Variants in AP2A2 observed in about 807,000 individuals in gnomAD.
The protein encoded by AP2A2 is adaptor related protein complex 2 subunit alpha 2, also known as AP-2 complex subunit alpha-2.
Under a neutral mutation model 104.2 loss-of-function variants are expected in AP2A2, and 32 were observed. That is an observed-to-expected ratio of 0.31 (90% CI 0.23 to 0.41). The LOEUF is 0.41. AP2A2 is among the 10% of genes least tolerant of loss of function. The pLI, the probability that AP2A2 is intolerant of heterozygous loss-of-function variation, is 1.00. For synonymous variants in AP2A2, 539 were observed against 533.3 expected (o/e 1.01, Z -0.15); for missense variants, 912 against 1,261.0 (o/e 0.72, Z 4.19).
chr11:952,415 C>T (rs542034994), intron 1 of AP2A2, among the ~76,000 whole-genome samples: 2 of 152,298 alleles, frequency 1.3e-5, no homozygotes, highest in East Asian at 1.9e-4. Context: ...TGTAAAAATT[C>T]AAGAGCTTTT....
chr11:946,913 A>G (rs1282319529), intron 1 of AP2A2: 2 of 152,178 alleles, frequency 1.3e-5, no homozygotes, highest in African/African-American at 2.4e-5. Context: ...TACGTGAAGA[A>G]ATAAAAGAAC....
In AP2A2 at chr11:961,462, G is replaced by A. The variant is rs35305097; in HGVS notation, c.136+1957G>A. Among the ~76,000 whole-genome samples the A allele has an allele frequency of 4.2e-5, 6 of 142,946 alleles. No individual in the cohort carries two copies. In the East Asian group the frequency reaches 6.6e-4, roughly 16 times the overall value. The allele number at this position is 142,946 out of a possible 152,430, so 93.8% of individuals were successfully genotyped here. ...ATGGAGATGTGGGTCTGACAGAGTC[G>A]CCACCACCAGTGAAAAGTAAATGGC... is the stretch of plus-strand genomic sequence containing the variant. On this transcript the variant is annotated intron_variant, in intron 2 of 21. Transcript: ENST00000448903.
rs372353121 is a variant in AP2A2 at position 992,535 on chromosome 11, C to T, written c.1302C>T (p.Tyr434=). Residue 434 remains tyrosine, a synonymous_variant, in exon 11 of 22, where the codon TAC becomes TAT. Transcript: ENST00000448903. The surrounding 1 kb of genome is among the most constrained non-coding windows in gnomAD (Gnocchi z 6.4). ...VLKVAILAEK[Y]AVDYTWYVDT... ...AGGTCGCCATCCTGGCTGAGAAGTACGCGGTGGACTACACCTGGTATGTGG... is the reference window on the plus strand; with the variant it reads ...AGGTCGCCATCCTGGCTGAGAAGTATGCGGTGGACTACACCTGGTATGTGG... 4.6e-5 allele frequency: 74 copies of T among 1,607,824 alleles called. No homozygotes were observed. Among genetic ancestry groups the T allele is most frequent in the Non-Finnish European group, 5.2e-5 (61 of 1,177,250 alleles).
chr11:996,546 C>T lies in AP2A2; in HGVS notation c.1956+2301C>T, dbSNP rs1215942251. 5.9e-5 allele frequency among the ~76,000 whole-genome samples: 9 copies of T among 152,170 alleles called. 1 individual carries two copies. In the South Asian group the frequency reaches 8.3e-4, roughly 14 times the overall value. ...GCCTTTGATCACACCCAGGTTTGTC[C>T]GGCTAGGCTCAGGGTGGACTTTGGA... On this transcript the variant is annotated intron_variant, in intron 14 of 21. Coordinates refer to ENST00000448903, the MANE Select transcript of AP2A2 (RefSeq NM_012305.4).
At chr11:987,055 A>T (rs974573591) in intron 9 of AP2A2, 102 bp downstream of exon 9, 16 of 1,352,950 alleles carry the variant, frequency 1.2e-5, no homozygotes, top group African/African-American at 4.3e-5. Context: ...CCCCGCAGAG[A>T]TGGAGGTGGT....
intron 20 of AP2A2, 122 bp from the exon 21 acceptor site, chr11:1,009,561 A>AGG (rs1856340871): frequency 1.6e-6 from 2 of 1,236,184 alleles, no homozygotes; most frequent in Admixed American, 5.5e-5. Flanking sequence ...CAGGGTCTGG[A>AGG]GGGGCGGCCC....
At chr11:986,306 T>C (rs894849092) in intron 8 of AP2A2, among the ~76,000 whole-genome samples, 11 of 152,260 alleles carry the variant, frequency 7.2e-5, no homozygotes, top group Admixed American at 2.6e-4. Context: ...CTGAGAGTTA[T>C]TAAAACTGAA....
chr11:1,004,793 A>G (rs1214013090), intron 16 of AP2A2, among the ~76,000 whole-genome samples: 1 of 152,198 alleles, frequency 6.6e-6, no homozygotes, highest in African/African-American at 2.4e-5. Context: ...TTCATTCATA[A>G]ATAATGCATA....
chr11:993,211 C>T lies in AP2A2; in HGVS notation c.1453-73C>T, dbSNP rs147407650. On this transcript the variant is annotated intron_variant, in intron 11 of 21. Coordinates refer to ENST00000448903, the MANE Select transcript of AP2A2 (RefSeq NM_012305.4). The surrounding 1 kb of genome is among the most constrained non-coding windows in gnomAD (Gnocchi z 8.2). ...GCTGGTGCTGGTGTAGGGTGCACCG[C>T]GCCAGGACGTGCCCGCCTCGCCTTA... 136 of 1,249,814 alleles carry T rather than the reference C, an allele frequency of 1.1e-4. No homozygotes were observed. The highest frequency in any genetic ancestry group is 2.4e-4 in the Middle Eastern group (1 of 4,110). 77.4% of individuals were successfully genotyped at this position (1,249,814 alleles called of 1,614,324 possible). A position where few individuals can be genotyped will look rare whatever the true frequency, so the allele number is the denominator to read the frequency against.
rs375422112 is a variant in AP2A2, at chr11:972,253, C to T, written c.471C>T (p.Ala157=). Residue 157 remains alanine (A), a splice_region_variant and synonymous_variant, in exon 4 of 22, where the codon GCC becomes GCT. Transcript: ENST00000448903. ...GGGAGATCCCTAAGGTCCTCGTAGCCGGGTATGTGCCGGGCTCGTGCCGGG... is the reference window on the plus strand; with the variant it reads ...GGGAGATCCCTAAGGTCCTCGTAGCTGGGTATGTGCCGGGCTCGTGCCGGG... ...FAGEIPKVLV[A]GDTMDSVKQS... 2.2e-4 allele frequency: 344 copies of T among 1,591,284 alleles called. No homozygotes were observed. Among genetic ancestry groups the T allele is most frequent in the Non-Finnish European group, 2.6e-4 (307 of 1,173,226 alleles).
At chr11:963,867 C>T (rs577563051) in intron 2 of AP2A2, among the ~76,000 whole-genome samples, 2 of 152,236 alleles carry the variant, frequency 1.3e-5, no homozygotes, top group African/African-American at 2.4e-5. Context: ...CTCAAGAGAT[C>T]GGTCTGCCTT....
chr11:973,420 G>C (rs1854901811), intron 4 of AP2A2, among the ~76,000 whole-genome samples: 1 of 152,196 alleles, frequency 6.6e-6, no homozygotes, highest in Non-Finnish European at 1.5e-5. Context: ...TGTCAGCTGT[G>C]AGGCAAGGAG....
At chr11:983,575 G>A (rs541420643) in intron 6 of AP2A2, among the ~76,000 whole-genome samples, 9 of 151,778 alleles carry the variant, frequency 5.9e-5, no homozygotes, top group South Asian at 2.1e-4. Context: ...AGTAGAGATG[G>A]GGTTTCACTG....
chr11:986,999 C>T (rs769366099), intron 9 of AP2A2, 46 bp downstream of exon 9: 18 of 1,536,146 alleles, frequency 1.2e-5, no homozygotes, highest in Admixed American at 5.9e-5. Context: ...GAGCAGGTGC[C>T]GTGGGTCTTC....
chr11:1,000,340 G>A, intron 14 of AP2A2, 92 bp from the exon 15 acceptor site: 2 of 1,298,462 alleles, frequency 1.5e-6, no homozygotes, highest in Non-Finnish European at 2.1e-6. Flanking sequence ...TGCCAAGGGG[G>A]TGCCATGGGG....
intron 2 of AP2A2, among the ~76,000 whole-genome samples, chr11:965,300 A>G (rs1009845496): frequency 6.6e-6 from 1 of 152,140 alleles, no homozygotes; most frequent in Non-Finnish European, 1.5e-5. Context: ...TGGAATGGGC[A>G]GGACAGCGGG....
At chr11:973,935 C>T (rs1157786326) in intron 4 of AP2A2, among the ~76,000 whole-genome samples, 2 of 152,186 alleles carry the variant, frequency 1.3e-5, no homozygotes, top group South Asian at 4.1e-4. Context: ...TGGATGTCTG[C>T]GCGTGAGCGG....
intron 14 of AP2A2, among the ~76,000 whole-genome samples, chr11:999,776 CAGT>C (rs1855967670): frequency 6.6e-6 from 1 of 151,040 alleles, no homozygotes; most frequent in Non-Finnish European, 1.5e-5. Context: ...GGACAGTTGG[CAGT>C]AACATGCATG....
intron 14 of AP2A2, among the ~76,000 whole-genome samples, chr11:999,803 C>CT (rs71022992): frequency 0.081 from 10,045 of 124,620 alleles, 461 homozygotes; most frequent in Middle Eastern, 0.15. Flanking sequence ...TTAGTTCTTT[C>CT]TTTTTTTTTT....
Sources: allele counts gnomAD v4.1 joint callset (sites outside exome capture counted in the v4.1 genomes callset), GRCh38; gene constraint gnomAD v4.1.1; non-coding constraint Gnocchi (gnomAD v3.1); transcripts MANE v1.5; gene names NCBI Gene and HGNC (gene_info 2026-07-23, HGNC 2026-07-21).